The following RPH3AL variants were observed in gnomAD, a reference collection of about 807,000 sequenced individuals.
RPH3AL encodes rab effector Noc2.
RPH3AL carries 38 observed loss-of-function variants against 43.1 expected under a neutral mutation model. The ratio of observed to expected loss-of-function variants is 0.88; its 90% CI spans 0.68 to 1.15. RPH3AL has a LOEUF of 1.15. RPH3AL is among the 50% of genes most tolerant of loss of function. RPH3AL has a pLI of 0.00. For missense variants in RPH3AL, 462 were observed against 423.2 expected (o/e 1.09, Z -0.81); for synonymous variants, 189 against 176.3 (o/e 1.07, Z -0.57).
At chr17:235,062 G>T (rs1045307575) in intron 7 of RPH3AL, among the ~76,000 whole-genome samples, 1 of 151,994 alleles carries the variant, frequency 6.6e-6, no homozygotes, top group East Asian at 1.9e-4. Context: ...TTATTAGCTC[G>T]GTGGGCGGAG....
chr17:227,947 C>T (rs560938931), intron 7 of RPH3AL, among the ~76,000 whole-genome samples: 4 of 152,282 alleles, frequency 2.6e-5, no homozygotes, highest in Non-Finnish European at 5.9e-5. Context: ...CCCAATTAGC[C>T]GTCTCCAGCC....
At chr17:321,907 C>T (rs902115106) in intron 3 of RPH3AL, among the ~76,000 whole-genome samples, 5 of 152,112 alleles carry the variant, frequency 3.3e-5, no homozygotes, top group Non-Finnish European at 7.4e-5. Context: ...GGTCACAGCA[C>T]GAGAGGTGTC....
Position 246,899 on chromosome 17 carries a change from A to T in RPH3AL, c.613+212T>A, listed in dbSNP as rs1248590590. ...TGCCCCCCGTGGGCCCTCCCGCCGC[A>T]CTCCTGCACAGAGCGAACAGTCACC... On this transcript the variant is annotated intron_variant, in intron 7 of 9. Coordinates refer to ENST00000331302, the MANE Select transcript of RPH3AL (RefSeq NM_006987.4). This position sits in a 1 kb window ranked among gnomAD's most constrained non-coding sequence, Gnocchi z 4.8. Among the ~76,000 whole-genome samples the T allele has an allele frequency of 2.0e-5, 3 of 152,054 alleles. No individual in the cohort carries two copies. Among genetic ancestry groups the T allele is most frequent in the Non-Finnish European group, 4.4e-5 (3 of 68,002 alleles).
At chr17:319,580 T>G (rs374576221) in intron 4 of RPH3AL, 31 bp from the exon 5 acceptor site, 1 of 1,606,118 alleles carries the variant, frequency 6.2e-7, no homozygotes, top group South Asian at 1.1e-5. Context: ...TCAGAGGGAC[T>G]GTGCTTCCTG....
chr17:246,894 G>A lies in RPH3AL; in HGVS notation c.613+217C>T, dbSNP rs4985571. ...GATACTGCCCCCCGTGGGCCCTCCC[G>A]CCGCACTCCTGCACAGAGCGAACAG... On this transcript the variant is annotated intron_variant, in intron 7 of 9. Coordinates refer to ENST00000331302, the MANE Select transcript of RPH3AL (RefSeq NM_006987.4). This position sits in a 1 kb window ranked among gnomAD's most constrained non-coding sequence, Gnocchi z 4.8. 0.057 allele frequency among the ~76,000 whole-genome samples: 8,712 copies of A among 152,290 alleles called. 289 individuals are homozygous for A. The highest frequency in any genetic ancestry group is 0.11 in the East Asian group (578 of 5,186).
intron 3 of RPH3AL, 77 bp from the exon 4 acceptor site, chr17:321,492 C>T (rs2044471258): frequency 2.1e-6 from 3 of 1,439,768 alleles, no homozygotes; most frequent in Admixed American, 2.4e-5. Flanking sequence ...ATCCACCAAG[C>T]CCCCCCGAGA....
chr17:315,019 C>G (rs879348229), intron 5 of RPH3AL, among the ~76,000 whole-genome samples: 22 of 81,166 alleles, frequency 2.7e-4, no homozygotes, highest in Admixed American at 4.1e-4. Context: ...TGTGCTCCAC[C>G]TCCATTGACC....
chr17:250,344 C>A (rs2041869016), intron 6 of RPH3AL, among the ~76,000 whole-genome samples: 1 of 136,082 alleles, frequency 7.3e-6, no homozygotes, highest in Admixed American at 7.2e-5. Context: ...CGCTGCGGGA[C>A]CTCTCAGAGC....
chr17:232,449 G>A (rs2041250936), intron 7 of RPH3AL, among the ~76,000 whole-genome samples: 1 of 152,176 alleles, frequency 6.6e-6, no homozygotes, highest in Admixed American at 6.5e-5. Flanking sequence ...TACCTGCACA[G>A]ACAGACAGGC....
intron 5 of RPH3AL, 64 bp from the exon 6 acceptor site, chr17:281,918 A>G (rs11150871): frequency 0.36 from 455,491 of 1,267,880 alleles, 88,990 homozygotes; most frequent in East Asian, 0.8. Flanking sequence ...CGAGGGGCTC[A>G]GACAACTGTA....
chr17:319,403 C>A lies in RPH3AL; in HGVS notation c.351+17G>T. The A allele has an allele frequency of 6.2e-7, 1 of 1,608,998 alleles. No individual in the cohort carries two copies. The highest frequency in any genetic ancestry group is 8.5e-7 in the Non-Finnish European group (1 of 1,178,528). On this transcript the variant is annotated intron_variant, in intron 5 of 9. Transcript: ENST00000331302. ...AGGCTGGGAAGCCAGAATGACAGGGCCAGAGCAGGGTCTTACCTTCCTGCA... is the reference window on the plus strand; with the variant it reads ...AGGCTGGGAAGCCAGAATGACAGGGACAGAGCAGGGTCTTACCTTCCTGCA...
intron 9 of RPH3AL, 69 bp from the exon 10 acceptor site, chr17:213,992 C>A: frequency 8.0e-7 from 1 of 1,243,322 alleles, no homozygotes; most frequent in African/African-American, 1.5e-5. Context: ...GGTGACAGCT[C>A]GGCCTTTGGG....
intron 7 of RPH3AL, among the ~76,000 whole-genome samples, chr17:233,082 G>A (rs1223343312): frequency 6.6e-6 from 1 of 151,888 alleles, no homozygotes; most frequent in African/African-American, 2.4e-5. Flanking sequence ...TCAAAGCATA[G>A]TGGGGATGCT....
chr17:309,892 T>C (rs1472221686), intron 5 of RPH3AL, among the ~76,000 whole-genome samples: 1 of 152,114 alleles, frequency 6.6e-6, no homozygotes, highest in African/African-American at 2.4e-5. Flanking sequence ...CATGCTGGGC[T>C]GGGTAATACC....
chr17:307,808 T>C (rs1337625571), intron 5 of RPH3AL, among the ~76,000 whole-genome samples: 1 of 152,182 alleles, frequency 6.6e-6, no homozygotes. Flanking sequence ...TGCTCCTTCT[T>C]TCTTTGGAAG....
At position 219,667 on chromosome 17, in the gene RPH3AL, G is replaced by T; in HGVS notation, c.683C>A (p.Thr228Asn). ...GTCGCCTTTCCGGTCCCTGACCCCA[G>T]TGGATGGGAGTCTGTCCTCTAGGCT... The part of the protein sequence containing the change: ...SSSLEDRLPS[T>N]GVRDRKGDKP... The change falls in exon 8 of 10, where the codon ACT (threonine) becomes AAT (asparagine). Residue 228 changes from threonine to asparagine, a missense_variant. Coordinates refer to ENST00000331302, the MANE Select transcript of RPH3AL (RefSeq NM_006987.4). 1 of 1,613,540 alleles carries T rather than the reference G, an allele frequency of 6.2e-7. No homozygotes were observed. The highest frequency in any genetic ancestry group is 8.5e-7 in the Non-Finnish European group (1 of 1,179,892).
At chr17:220,107 C>T (rs1555530525) in intron 7 of RPH3AL, among the ~76,000 whole-genome samples, 1 of 147,352 alleles carries the variant, frequency 6.8e-6, no homozygotes, top group Non-Finnish European at 1.5e-5. Context: ...AGATCTGAGG[C>T]CTCCACTCAC....
intron 7 of RPH3AL, among the ~76,000 whole-genome samples, chr17:233,477 G>A (rs1427383962): frequency 1.3e-5 from 2 of 152,238 alleles, no homozygotes; most frequent in South Asian, 2.1e-4. Flanking sequence ...ATGAGGTCAC[G>A]TTGGGCCACC....
At position 323,365 on chromosome 17, in the gene RPH3AL, G is replaced by A. The variant is rs775775938; in HGVS notation, c.78-1950C>T. Among the ~76,000 whole-genome samples, 4 of 152,156 alleles carry A rather than the reference G, an allele frequency of 2.6e-5. No individual in the cohort carries two copies. The highest frequency in any genetic ancestry group is 4.4e-5 in the Non-Finnish European group (3 of 68,034). ...GCAGCAGGGCAGGGCTGGAAGGGGG[G>A]CAAGGCCAGTAGAGTGGGCAGCCTC... On this transcript the variant is annotated intron_variant, in intron 3 of 9. Transcript: ENST00000331302. This position sits in a 1 kb window ranked among gnomAD's most constrained non-coding sequence, Gnocchi z 4.4.
Sources: gnomAD v4.1 joint callset for allele counts (sites outside exome capture counted in the v4.1 genomes callset) on GRCh38, gnomAD v4.1.1 for gene constraint, Gnocchi (gnomAD v3.1) non-coding constraint, MANE v1.5 for transcripts, NCBI Gene and HGNC (gene_info 2026-07-23, HGNC 2026-07-21) for gene names.